Variants in NDST4 observed in about 807,000 individuals in gnomAD.
NDST4 encodes N-deacetylase and N-sulfotransferase 4.
A neutral mutation model predicts 100.8 loss-of-function variants in NDST4; 63 were observed. The observed-to-expected ratio is 0.62, with a 90% CI of 0.51 to 0.77. NDST4 has a LOEUF of 0.77. Among genes scored for constraint, NDST4 ranks in the 30% least tolerant of loss-of-function variants. The pLI is 0.00. For missense variants in NDST4, 943 were observed against 1,018.4 expected (o/e 0.93, Z 1.01); for synonymous variants, 377 against 361.8 (o/e 1.04, Z -0.48).
At chr4:114,910,165 A>G (rs960050825) in intron 6 of NDST4, among the ~76,000 whole-genome samples, 9 of 152,208 alleles carry the variant, frequency 5.9e-5, no homozygotes, top group Non-Finnish European at 1.3e-4. Flanking sequence ...GATGTTTTAA[A>G]TATGTCAGAG....
chr4:114,958,008 G>A (rs188620485), intron 4 of NDST4, among the ~76,000 whole-genome samples: 2,266 of 152,282 alleles, frequency 0.015, 63 homozygotes, highest in African/African-American at 0.051. Context: ...CAGGTGCACG[G>A]TGCAAGCCAT....
chr4:115,075,577 G>A (rs574051374), intron 2 of NDST4, among the ~76,000 whole-genome samples: 5 of 152,016 alleles, frequency 3.3e-5, no homozygotes, highest in Non-Finnish European at 5.9e-5. Flanking sequence ...ACGAGGTCAG[G>A]AGTTTAAGAC....
At chr4:115,001,256 G>GCTTGC (rs1727283415) in intron 2 of NDST4, among the ~76,000 whole-genome samples, 1 of 151,994 alleles carries the variant, frequency 6.6e-6, no homozygotes, top group Admixed American at 6.6e-5. Context: ...GATGCTTATG[G>GCTTGC]CTTGCCTTGC....
intron 6 of NDST4, among the ~76,000 whole-genome samples, chr4:114,917,456 T>A (rs553149320): frequency 1.4e-4 from 22 of 152,148 alleles, no homozygotes; most frequent in African/African-American, 4.6e-4. Flanking sequence ...TTGATAGTAG[T>A]TGGCCTTAGA....
chr4:115,073,807 CA>C (rs1336721619), intron 2 of NDST4, among the ~76,000 whole-genome samples: 1 of 151,556 alleles, frequency 6.6e-6, no homozygotes, highest in Non-Finnish European at 1.5e-5. Context: ...GTGTTTTCAC[CA>C]AAAAATGATA....
intron 10 of NDST4, among the ~76,000 whole-genome samples, chr4:114,841,484 T>A (rs373637906): frequency 2.6e-5 from 4 of 152,214 alleles, no homozygotes; most frequent in Non-Finnish European, 4.4e-5. Context: ...CAAACCTGTA[T>A]GTATGTTCAA....
At chr4:115,052,478 G>T (rs1346564542) in intron 2 of NDST4, among the ~76,000 whole-genome samples, 1 of 152,064 alleles carries the variant, frequency 6.6e-6, no homozygotes, top group Non-Finnish European at 1.5e-5. Context: ...TGGTGGGAGG[G>T]ACCTGGTGTG....
At chr4:115,088,577 T>A (rs562688590) in intron 1 of NDST4, among the ~76,000 whole-genome samples, 46 of 152,066 alleles carry the variant, frequency 3.0e-4, no homozygotes, top group African/African-American at 1.0e-3. Flanking sequence ...AGACTCCAGG[T>A]ATCATTTTGT....
Position 114,906,131 on chromosome 4 carries a change from G to C in NDST4, c.1536+29075C>G, listed in dbSNP as rs999939661. Among the ~76,000 whole-genome samples, 46 of 151,948 alleles carry C rather than the reference G, an allele frequency of 3.0e-4. 1 individual carries two copies. Among genetic ancestry groups the C allele is most frequent in the Admixed American group, 2.6e-3 (40 of 15,254 alleles). On this transcript the variant is annotated intron_variant, in intron 6 of 13. Coordinates refer to ENST00000264363, the MANE Select transcript of NDST4 (RefSeq NM_022569.3). ...AACATAATTAACTATAAAATACGAA[G>C]CTGAAAAGTATTATTCTCAGTAGAC...
Position 115,077,029 on chromosome 4 carries a change from A to G in NDST4, c.8T>C (p.Leu3Pro), listed in dbSNP as rs1275788079. The G allele has an allele frequency of 6.3e-7, 1 of 1,592,986 alleles. No homozygotes were observed. Among genetic ancestry groups the G allele is most frequent in the African/African-American group, 1.4e-5 (1 of 73,770 alleles). Residue 3 changes from leucine (L) to proline (P), a missense_variant, in exon 2 of 14, where the codon CTT (leucine) becomes CCT (proline). Coordinates refer to ENST00000264363, the MANE Select transcript of NDST4 (RefSeq NM_022569.3). The part of the protein sequence containing the change: MN[L>P]IVKLRRSFRT... ...AAAACTTCTCCGAAGTTTCACAATA[A>G]GATTCATTTTTTAGAATAATGTTTT...
chr4:114,993,575 A>G lies in NDST4; in HGVS notation c.979-16301T>C, dbSNP rs916682090. 1.6e-4 allele frequency among the ~76,000 whole-genome samples: 25 copies of G among 151,906 alleles called. 1 individual carries two copies. The highest frequency in any genetic ancestry group is 6.0e-4 in the African/African-American group (25 of 41,412). On this transcript the variant is annotated intron_variant, in intron 2 of 13. Coordinates refer to ENST00000264363, the MANE Select transcript of NDST4 (RefSeq NM_022569.3). ...TGTTGGAGAATATATGTTTTCCTTAAATCTGCTTTTGACATAGAAATACAT... is the reference window on the plus strand; with the variant it reads ...TGTTGGAGAATATATGTTTTCCTTAGATCTGCTTTTGACATAGAAATACAT...
intron 2 of NDST4, among the ~76,000 whole-genome samples, chr4:115,025,347 T>C (rs1727960751): frequency 6.6e-6 from 1 of 152,184 alleles, no homozygotes; most frequent in Non-Finnish European, 1.5e-5. Flanking sequence ...GCTACTCGGA[T>C]TTGACAATCT....
chr4:114,969,237 C>A (rs1361146985), intron 4 of NDST4, among the ~76,000 whole-genome samples: 2 of 148,756 alleles, frequency 1.3e-5, no homozygotes, highest in Non-Finnish European at 3.0e-5. Context: ...TGGCGTGAAC[C>A]CGGGAGGCGG....
intron 12 of NDST4, among the ~76,000 whole-genome samples, chr4:114,830,334 G>T (rs73848467): frequency 0.023 from 3,456 of 152,206 alleles, 116 homozygotes; most frequent in African/African-American, 0.078. Context: ...TGTAATGTAG[G>T]TATACTTCTG....
At chr4:114,939,998 C>T (rs1371616218) in intron 4 of NDST4, among the ~76,000 whole-genome samples, 1 of 152,158 alleles carries the variant, frequency 6.6e-6, no homozygotes, top group Non-Finnish European at 1.5e-5. Context: ...TTCGCAGAGA[C>T]TTGGCCAACT....
At chr4:114,877,901 G>A (rs1395398894) in intron 6 of NDST4, among the ~76,000 whole-genome samples, 1 of 151,518 alleles carries the variant, frequency 6.6e-6, no homozygotes, top group East Asian at 1.9e-4. Flanking sequence ...GCAGTGAGCT[G>A]AGATCATGCC....
chr4:114,977,699 T>C (rs1373707408), intron 2 of NDST4, among the ~76,000 whole-genome samples: 12 of 152,006 alleles, frequency 7.9e-5, no homozygotes, highest in Admixed American at 7.9e-4. Flanking sequence ...TTTAATATTT[T>C]ATTTAACTGG....
intron 2 of NDST4, among the ~76,000 whole-genome samples, chr4:115,030,056 C>T (rs1578467966): frequency 6.6e-6 from 1 of 152,062 alleles, no homozygotes; most frequent in Middle Eastern, 3.4e-3. Context: ...CTGTTTTATG[C>T]TATGCAATGA....
intron 4 of NDST4, among the ~76,000 whole-genome samples, 183 bp from the exon 5 acceptor site, chr4:114,937,686 C>A (rs1725659790): frequency 6.6e-6 from 1 of 152,064 alleles, no homozygotes; most frequent in South Asian, 2.1e-4. Context: ...GATGGCATAA[C>A]AGATATAGTC....
Sources: allele counts gnomAD v4.1 joint callset (sites outside exome capture counted in the v4.1 genomes callset), GRCh38; gene constraint gnomAD v4.1.1; transcripts MANE v1.5; gene names NCBI Gene and HGNC (gene_info 2026-07-23, HGNC 2026-07-21).